AFF3: variants seen among roughly 807,000 people sequenced by gnomAD.
AFF3 encodes ALF transcription elongation factor 3.
A neutral mutation model predicts 129.7 loss-of-function variants in AFF3; 32 were observed. The ratio of observed to expected loss-of-function variants is 0.25; its 90% CI spans 0.19 to 0.33. AFF3 has a LOEUF of 0.33. AFF3 is among the 10% of genes least tolerant of loss of function. The probability of loss-of-function intolerance (pLI) is 1.00; values close to 1 mark genes in which losing one functional copy is unlikely to be tolerated. For synonymous variants in AFF3, 644 were observed against 635.4 expected, an observed-to-expected ratio of 1.01 and a Z score of -0.20; for missense variants, 1,373 against 1,592.0, an observed-to-expected ratio of 0.86 and a Z score of 2.34.
At chr2:99,562,976 G>A (rs1325519080) in intron 20 of AFF3, among the ~76,000 whole-genome samples, 1 of 151,932 alleles carries the variant, frequency 6.6e-6, no homozygotes, top group African/African-American at 2.4e-5. Flanking sequence ...CTGAGCTCGT[G>A]TGGTGGCAGT....
chr2:100,107,036 C>T (rs868670013), intron 2 of AFF3: 25 of 985,172 alleles, frequency 2.5e-5, no homozygotes, highest in African/African-American at 7.0e-5. Context: ...AATTGCAAGG[C>T]GGGTATTTAA....
chr2:99,567,021 G>A (rs1426809379), intron 19 of AFF3, among the ~76,000 whole-genome samples: 1 of 149,934 alleles, frequency 6.7e-6, no homozygotes, highest in African/African-American at 2.5e-5. Context: ...AGGCTGGAGT[G>A]CAGTGGCATG....
chr2:99,610,191 A>G (rs1393927207), intron 13 of AFF3, among the ~76,000 whole-genome samples: 1 of 152,172 alleles, frequency 6.6e-6, no homozygotes, highest in Non-Finnish European at 1.5e-5. Flanking sequence ...ACATAGATTC[A>G]TGTAACCACC....
intron 4 of AFF3, among the ~76,000 whole-genome samples, chr2:100,015,496 G>A (rs929041398): frequency 1.3e-5 from 2 of 152,164 alleles, no homozygotes; most frequent in African/African-American, 2.4e-5. Flanking sequence ...AGCAGCGTAA[G>A]CACTGTGTAT....
intron 7 of AFF3, among the ~76,000 whole-genome samples, chr2:99,911,069 G>A (rs1040644795): frequency 4.6e-5 from 7 of 152,362 alleles, no homozygotes; most frequent in Non-Finnish European, 8.8e-5. Context: ...CACACATGCC[G>A]TATAATAACC....
At chr2:99,928,189 T>A (rs561546505) in intron 7 of AFF3, among the ~76,000 whole-genome samples, 6 of 152,302 alleles carry the variant, frequency 3.9e-5, no homozygotes, top group East Asian at 3.9e-4. Flanking sequence ...AAAACAGACT[T>A]ATACAGAGGC....
intron 11 of AFF3, chr2:99,707,699 CT>C (rs538833830): frequency 0.075 from 56,055 of 744,612 alleles, 3 homozygotes; most frequent in Middle Eastern, 0.088. Context: ...GGATGCCTGC[CT>C]TTTTTTTTTT....
At chr2:99,658,212 T>C (rs1685921358) in intron 12 of AFF3, among the ~76,000 whole-genome samples, 1 of 152,156 alleles carries the variant, frequency 6.6e-6, no homozygotes, top group Non-Finnish European at 1.5e-5. Context: ...GCATAGAAGA[T>C]ACATGGCACC....
At chr2:99,594,485 G>A (rs1679092401) in intron 14 of AFF3, among the ~76,000 whole-genome samples, 196 bp from the exon 15 acceptor site, 1 of 152,198 alleles carries the variant, frequency 6.6e-6, no homozygotes. Context: ...GGATGATGCT[G>A]TCCTTACCGG....
At chr2:99,716,315 G>C (rs915292842) in intron 11 of AFF3, among the ~76,000 whole-genome samples, 3 of 152,140 alleles carry the variant, frequency 2.0e-5, no homozygotes, top group Non-Finnish European at 4.4e-5. Flanking sequence ...AACAATATAA[G>C]AGCTCTGGGA....
intron 7 of AFF3, among the ~76,000 whole-genome samples, chr2:99,838,354 GAC>G (rs1027002311): frequency 2.0e-5 from 3 of 152,216 alleles, no homozygotes; most frequent in African/African-American, 7.2e-5. Context: ...ATGTCACTGT[GAC>G]ATCCTGGAAT....
intron 11 of AFF3, among the ~76,000 whole-genome samples, chr2:99,720,517 C>T (rs1258764935): frequency 6.6e-6 from 1 of 152,156 alleles, no homozygotes; most frequent in Non-Finnish European, 1.5e-5. Flanking sequence ...CCCTGCTTCC[C>T]ATACAGCCTG....
At chr2:99,718,865 C>T (rs1364499233) in intron 11 of AFF3, among the ~76,000 whole-genome samples, 1 of 151,882 alleles carries the variant, frequency 6.6e-6, no homozygotes, top group Non-Finnish European at 1.5e-5. Context: ...ATTCTCCTGC[C>T]TCAGCCTCCC....
chr2:99,891,978 A>C (rs1403354813), intron 7 of AFF3, among the ~76,000 whole-genome samples: 1 of 152,074 alleles, frequency 6.6e-6, no homozygotes, highest in Non-Finnish European at 1.5e-5. Flanking sequence ...ACCCGCCACC[A>C]TGCCCGGCTC....
intron 7 of AFF3, among the ~76,000 whole-genome samples, chr2:99,948,562 A>C (rs1395848778): frequency 2.0e-5 from 3 of 152,224 alleles, no homozygotes; most frequent in African/African-American, 4.8e-5. Context: ...GAGGGCAGCA[A>C]GCGCCTCCAT....
intron 7 of AFF3, among the ~76,000 whole-genome samples, chr2:99,977,429 C>A (rs533044732): frequency 2.6e-5 from 4 of 152,344 alleles, no homozygotes; most frequent in Admixed American, 2.0e-4. Context: ...CTCCACCAAT[C>A]CCTCGGAGAG....
chr2:99,841,344 G>A (rs747148658), intron 7 of AFF3, among the ~76,000 whole-genome samples: 1 of 152,184 alleles, frequency 6.6e-6, no homozygotes, highest in Non-Finnish European at 1.5e-5. Context: ...TTTACACTAA[G>A]TCATCTCTAA....
chr2:99,551,729 G>T, intron 24 of AFF3, 134 bp from the exon 25 acceptor site: 1 of 1,136,202 alleles, frequency 8.8e-7, no homozygotes, highest in Non-Finnish European at 1.2e-6. Flanking sequence ...TGTAACTTTA[G>T]CATTCCTTTG....
At chr2:99,559,807 T>G (rs1675302557) in intron 21 of AFF3, among the ~76,000 whole-genome samples, 2 of 152,242 alleles carry the variant, frequency 1.3e-5, no homozygotes, top group Admixed American at 6.5e-5. Flanking sequence ...TTGCTGTTAT[T>G]ATTATTTTTT....
Sources: gnomAD v4.1 joint callset for allele counts (sites outside exome capture counted in the v4.1 genomes callset) on GRCh38, gnomAD v4.1.1 for gene constraint, MANE v1.5 for transcripts, NCBI Gene and HGNC (gene_info 2026-07-23, HGNC 2026-07-21) for gene names.